Variants in CSNK1G3 observed in about 807,000 individuals in gnomAD.
CSNK1G3 encodes casein kinase 1 gamma 3.
CSNK1G3 carries 23 observed loss-of-function variants against 64.3 expected under a neutral mutation model. The ratio of observed to expected loss-of-function variants is 0.36; its 90% CI spans 0.26 to 0.51. The LOEUF (loss-of-function observed/expected upper bound fraction) is 0.51, where lower values mean the gene tolerates loss of function less well. CSNK1G3 is among the 20% of genes least tolerant of loss of function. The pLI, the probability that CSNK1G3 is intolerant of heterozygous loss-of-function variation, is 0.96. For synonymous variants in CSNK1G3, 158 were observed against 162.2 expected, an observed-to-expected ratio of 0.97 and a Z score of 0.20; for missense variants, 357 against 510.5, an observed-to-expected ratio of 0.70 and a Z score of 2.90.
intron 6 of CSNK1G3, among the ~76,000 whole-genome samples, chr5:123,581,558 T>C (rs1008065461): frequency 6.6e-6 from 1 of 151,822 alleles, no homozygotes; most frequent in Non-Finnish European, 1.5e-5. Context: ...ATTAAGTGAA[T>C]GCATGTACTG....
At chr5:123,603,598 T>G (rs1794855350) in intron 10 of CSNK1G3, among the ~76,000 whole-genome samples, 1 of 151,982 alleles carries the variant, frequency 6.6e-6, no homozygotes, top group Non-Finnish European at 1.5e-5. Flanking sequence ...TACAAATAAT[T>G]TAAAATAGGG....
intron 4 of CSNK1G3, among the ~76,000 whole-genome samples, chr5:123,561,756 C>A (rs1210260916): frequency 2.6e-5 from 4 of 152,150 alleles, no homozygotes; most frequent in East Asian, 1.9e-4. Flanking sequence ...ACCTTCTTTT[C>A]CCCTTATTTT....
intron 10 of CSNK1G3, among the ~76,000 whole-genome samples, chr5:123,603,482 C>G (rs192873131): frequency 1.3e-5 from 2 of 152,050 alleles, no homozygotes; most frequent in South Asian, 2.1e-4. Context: ...TACAAGGTCT[C>G]TCTTATCCTG....
At chr5:123,608,786 G>A (rs1795803696) in intron 12 of CSNK1G3, among the ~76,000 whole-genome samples, 1 of 152,108 alleles carries the variant, frequency 6.6e-6, no homozygotes, top group Non-Finnish European at 1.5e-5. Flanking sequence ...GGTCTGTGGT[G>A]GGGCCTGGTT....
At chr5:123,560,604 T>G (rs1785497622) in intron 4 of CSNK1G3, among the ~76,000 whole-genome samples, 1 of 152,276 alleles carries the variant, frequency 6.6e-6, no homozygotes, top group East Asian at 1.9e-4. Flanking sequence ...TCTCAGCTAC[T>G]TGGGAGGCTG....
intron 11 of CSNK1G3, 77 bp downstream of exon 12, chr5:123,604,907 A>G: frequency 8.7e-7 from 1 of 1,149,078 alleles, no homozygotes; most frequent in Non-Finnish European, 1.3e-6. Context: ...GTTACATACA[A>G]TTATTTCAGG....
chr5:123,548,491 A>G (rs1006956138), intron 2 of CSNK1G3, among the ~76,000 whole-genome samples: 5 of 150,802 alleles, frequency 3.3e-5, no homozygotes, highest in African/African-American at 1.2e-4. Flanking sequence ...CCATGAGATG[A>G]AAAAAAATGG....
chr5:123,559,905 C>T (rs1242046659), intron 4 of CSNK1G3, among the ~76,000 whole-genome samples: 1 of 151,930 alleles, frequency 6.6e-6, no homozygotes, highest in Non-Finnish European at 1.5e-5. Context: ...GTAACTCAAC[C>T]TATAATTTTC....
chr5:123,575,894 C>T, exon 6 of CSNK1G3: 1 of 1,613,440 alleles, frequency 6.2e-7, no homozygotes. Flanking sequence ...GAAACACATA[C>T]CATACAGAGA....
At chr5:123,591,284 G>A in intron 9 of CSNK1G3, 35 bp from the exon 10 acceptor site, 1 of 1,282,364 alleles carries the variant, frequency 7.8e-7, no homozygotes, top group Non-Finnish European at 1.1e-6. Flanking sequence ...ATTTTAAAAT[G>A]GAATGTATTG....
exon 13 of CSNK1G3, chr5:123,616,309 A>G (rs568192816): frequency 6.5e-6 from 1 of 152,710 alleles, no homozygotes; most frequent in African/African-American, 2.4e-5. Flanking sequence ...TTGTGTGTCT[A>G]TGATATTTGT....
chr5:123,547,323 A>G (rs940133765), intron 2 of CSNK1G3, among the ~76,000 whole-genome samples: 1 of 152,140 alleles, frequency 6.6e-6, no homozygotes, highest in African/African-American at 2.4e-5. Context: ...TACTTTGGCC[A>G]TTTTTATTCA....
chr5:123,567,566 A>G (rs1337595787), intron 4 of CSNK1G3, among the ~76,000 whole-genome samples: 2 of 152,152 alleles, frequency 1.3e-5, no homozygotes, highest in African/African-American at 4.8e-5. Context: ...AGATCGCACA[A>G]CTGTATTCCA....
At chr5:123,583,742 C>G (rs1790794541) in intron 6 of CSNK1G3, among the ~76,000 whole-genome samples, 1 of 151,940 alleles carries the variant, frequency 6.6e-6, no homozygotes, top group South Asian at 2.1e-4. Context: ...TGCAGTGGTG[C>G]AACCATGGCT....
intron 6 of CSNK1G3, among the ~76,000 whole-genome samples, chr5:123,582,026 A>C (rs998219654): frequency 2.6e-5 from 4 of 152,008 alleles, no homozygotes; most frequent in Non-Finnish European, 5.9e-5. Flanking sequence ...TGCAGTAGTA[A>C]GTTTATTTTT....
At chr5:123,592,740 C>CTA (rs3066504) in intron 10 of CSNK1G3, among the ~76,000 whole-genome samples, 38,306 of 147,840 alleles carry the variant, frequency 0.26, 4,971 homozygotes, top group African/African-American at 0.33. Flanking sequence ...CAATATTATG[C>CTA]TATATATATA....
intron 1 of CSNK1G3, among the ~76,000 whole-genome samples, chr5:123,533,250 T>C (rs1780231359): frequency 6.6e-6 from 1 of 152,004 alleles, no homozygotes; most frequent in South Asian, 2.1e-4. Flanking sequence ...CATTAACAGC[T>C]GAGCTTCTGT....
At chr5:123,585,453 A>G (rs1257176231) in intron 6 of CSNK1G3, among the ~76,000 whole-genome samples, 2 of 152,134 alleles carry the variant, frequency 1.3e-5, no homozygotes, top group East Asian at 1.9e-4. Flanking sequence ...AAATAAGAGG[A>G]AAAAACCCCT....
intron 1 of CSNK1G3, among the ~76,000 whole-genome samples, chr5:123,527,582 C>T (rs1486958914): frequency 2.0e-5 from 3 of 152,182 alleles, no homozygotes; most frequent in Non-Finnish European, 4.4e-5. Context: ...AACATCATTA[C>T]TCTCAAATAA....
Sources: allele counts gnomAD v4.1 joint callset (sites outside exome capture counted in the v4.1 genomes callset), GRCh38; gene constraint gnomAD v4.1.1; transcripts MANE v1.5; gene names NCBI Gene and HGNC (gene_info 2026-07-23, HGNC 2026-07-21).